ARSF: variants seen among roughly 807,000 people sequenced by gnomAD.
ARSF encodes the protein arylsulfatase F.
Under a neutral mutation model 35.4 loss-of-function variants are expected in ARSF, and 33 were observed. The ratio of observed to expected loss-of-function variants is 0.93; its 90% confidence interval spans 0.71 to 1.25. The LOEUF is 1.25. Ranked by LOEUF, ARSF falls within the 50% of genes most tolerant of loss-of-function variation. ARSF has a pLI of 0.00. For synonymous variants in ARSF, 222 were observed against 193.1 expected, an observed-to-expected ratio of 1.15 and a Z score of -1.24; for missense variants, 501 against 480.2, an observed-to-expected ratio of 1.04 and a Z score of -0.40.
intron 1 of ARSF, among the ~76,000 whole-genome samples, chrX:3,047,072 G>C (rs768337276): frequency 1.8e-5 from 2 of 111,752 alleles, no homozygotes; most frequent in East Asian, 2.8e-4. Context: ...CCGTGGATTG[G>C]ACAAGCTTGA....
In ARSF at chrX:3,072,009, C is replaced by A; in HGVS notation, c.12-17C>A. On this transcript the variant is annotated splice_polypyrimidine_tract_variant and intron_variant, in intron 2 of 10. Transcript: ENST00000381127. ...CAGAGAAGCCTGATACCAATAAAAT[C>A]CCTGCTTGCTTTCCAGGAGACCCTT... is the stretch of plus-strand genomic sequence containing the variant. 8.3e-7 allele frequency: 1 copy of A among 1,210,417 alleles called. No individual in the cohort carries two copies. Among genetic ancestry groups the A allele is most frequent in the East Asian group, 3.0e-5 (1 of 33,796 alleles).
At chrX:3,101,935 C>T (rs187239859) in intron 8 of ARSF, among the ~76,000 whole-genome samples, 6 of 111,363 alleles carry the variant, frequency 5.4e-5, no homozygotes, top group East Asian at 2.8e-4. Flanking sequence ...GAGGAAAATA[C>T]GTTGTTATTC....
rs192655174 is a variant in ARSF at position 3,095,173 on chromosome X, A to G, written c.967+5541A>G. Among the ~76,000 whole-genome samples the G allele has an allele frequency of 5.5e-5, 6 of 108,268 alleles. No individual in the cohort carries two copies. In the East Asian group the frequency reaches 1.1e-3, roughly 21 times the overall value. The allele number at this position is 108,268 out of a possible 115,157, so 94.0% of individuals were successfully genotyped here. On this transcript the variant is annotated intron_variant, in intron 7 of 10. Transcript: ENST00000381127. The stretch of plus-strand genomic sequence containing the variant: ...AGAAATAATCATTTCCATGGCCACT[A>G]TGTAATCTCTCTAAATTTTAAGATA...
intron 1 of ARSF, chrX:3,058,453 G>A (rs140167273): frequency 3.4e-5 from 8 of 233,823 alleles, no homozygotes; most frequent in Middle Eastern, 1.2e-3. Context: ...CTTCTGGGCC[G>A]AAGCGATCCC....
chrX:3,093,779 G>C (rs762321314), intron 7 of ARSF, among the ~76,000 whole-genome samples: 14 of 111,694 alleles, frequency 1.3e-4, no homozygotes, highest in African/African-American at 3.6e-4. Flanking sequence ...GGGTCAGAGG[G>C]TAGTTCTGTT....
intron 1 of ARSF, among the ~76,000 whole-genome samples, chrX:3,063,444 G>T (rs1438224804): frequency 9.0e-6 from 1 of 111,690 alleles, no homozygotes; most frequent in Non-Finnish European, 1.9e-5. Flanking sequence ...AGTGTTGGAA[G>T]TTCTGGTCAG....
intron 7 of ARSF, among the ~76,000 whole-genome samples, chrX:3,097,531 A>G (rs1361499521): frequency 8.9e-6 from 1 of 111,980 alleles, no homozygotes; most frequent in African/African-American, 3.2e-5. Flanking sequence ...GAGTGGACAC[A>G]GGAGGAAACT....
At chrX:3,085,593 T>C (rs2147517692) in intron 6 of ARSF, among the ~76,000 whole-genome samples, 1 of 110,892 alleles carries the variant, frequency 9.0e-6, no homozygotes, top group East Asian at 2.8e-4. Flanking sequence ...TTTTCAAGGG[T>C]ATCTATCCTC....
chrX:3,100,841 C>A (rs1489577597), intron 7 of ARSF, among the ~76,000 whole-genome samples: 2 of 111,584 alleles, frequency 1.8e-5, no homozygotes, highest in Non-Finnish European at 3.8e-5. Flanking sequence ...GTGATCCACC[C>A]ACTTCAGCCT....
chrX:3,075,325 C>T (rs1260684197), intron 3 of ARSF, among the ~76,000 whole-genome samples: 1 of 111,791 alleles, frequency 8.9e-6, no homozygotes, highest in Admixed American at 9.5e-5. Context: ...AAATGAACTC[C>T]GTGTGCAGTT....
intron 9 of ARSF, among the ~76,000 whole-genome samples, chrX:3,104,865 A>G (rs755171494): frequency 8.9e-6 from 1 of 112,264 alleles, no homozygotes; most frequent in Non-Finnish European, 1.9e-5. Flanking sequence ...AGAAAGGGAA[A>G]AATAATCCTA....
At chrX:3,085,120 T>C (rs147626062) in intron 6 of ARSF, among the ~76,000 whole-genome samples, 2,944 of 109,996 alleles carry the variant, frequency 0.027, 46 homozygotes, top group Middle Eastern at 0.061. Flanking sequence ...TTTGGGCTCC[T>C]GTTATTAAAA....
At chrX:3,049,348 G>A (rs2089987762) in intron 1 of ARSF, among the ~76,000 whole-genome samples, 1 of 109,489 alleles carries the variant, frequency 9.1e-6, no homozygotes. Context: ...TGGGGGGTGG[G>A]GGTGGTGGGT....
intron 1 of ARSF, among the ~76,000 whole-genome samples, chrX:3,066,113 G>A (rs2090064951): frequency 9.0e-6 from 1 of 111,182 alleles, no homozygotes; most frequent in African/African-American, 3.3e-5. Context: ...AACAAAATCT[G>A]GTTTCTAGAG....
Position 3,053,850 on chromosome X carries a change from C to T in ARSF, c.-29+12187C>T, listed in dbSNP as rs1185332427. Among the ~76,000 whole-genome samples, 3 of 106,894 alleles carry T rather than the reference C, an allele frequency of 2.8e-5. No homozygotes were observed. The South Asian group carries it at 1.3e-3, about 46-fold the overall frequency. The allele number at this position is 106,894 out of a possible 115,157, so 92.8% of individuals were successfully genotyped here. On this transcript the variant is annotated intron_variant, in intron 1 of 10. Transcript: ENST00000381127. ...GATCTTGGTTTACTGCAACCTCCACCTCCCAGGTTCAAGCGATTTTCCTGC... is the reference window on the plus strand; with the variant it reads ...GATCTTGGTTTACTGCAACCTCCACTTCCCAGGTTCAAGCGATTTTCCTGC...
intron 6 of ARSF, among the ~76,000 whole-genome samples, chrX:3,085,814 C>T (rs1483981575): frequency 9.0e-6 from 1 of 110,716 alleles, no homozygotes; most frequent in Non-Finnish European, 1.9e-5. Flanking sequence ...GGGCTGGCAG[C>T]GGTGGCTCAG....
At chrX:3,051,143 C>T (rs987145113) in intron 1 of ARSF, among the ~76,000 whole-genome samples, 2 of 111,550 alleles carry the variant, frequency 1.8e-5, no homozygotes, top group Admixed American at 1.9e-4. Context: ...CTCTTTCTAC[C>T]GATTTCCAGT....
chrX:3,041,072 C>T (rs779907619), upstream of ARSF, among the ~76,000 whole-genome samples: 71 of 110,522 alleles, frequency 6.4e-4, no homozygotes, highest in African/African-American at 2.3e-3. Context: ...TTTGTGTAAG[C>T]GGGAAAAGCT....
At chrX:3,058,101 G>A (rs765802339) in intron 1 of ARSF, 1 of 112,407 alleles carries the variant, frequency 8.9e-6, no homozygotes, top group Non-Finnish European at 1.9e-5. Context: ...CCTTATGACA[G>A]TTGTGTGCAA....
Sources: gnomAD v4.1 joint callset for allele counts (sites outside exome capture counted in the v4.1 genomes callset) on GRCh38, gnomAD v4.1.1 for gene constraint, MANE v1.5 for transcripts, NCBI Gene and HGNC (gene_info 2026-07-23, HGNC 2026-07-21) for gene names.